The following STRADA variants were observed in gnomAD, a reference collection of about 807,000 sequenced individuals.
STRADA encodes the protein STE20-related kinase adapter protein alpha.
In STRADA, 26 loss-of-function variants were observed where a neutral mutation model predicts 55.0. The observed-to-expected ratio is 0.47, with a 90% CI of 0.35 to 0.66. STRADA has a LOEUF of 0.66. STRADA is among the 30% of genes least tolerant of loss of function. The pLI is 0.01. For synonymous variants in STRADA, 197 were observed against 210.9 expected (o/e 0.93, Z 0.57); for missense variants, 443 against 549.7 (o/e 0.81, Z 1.94).
At chr17:63,732,486 T>TAA (rs78463501) in intron 1 of STRADA, among the ~76,000 whole-genome samples, 4 of 139,280 alleles carry the variant, frequency 2.9e-5, no homozygotes, top group Non-Finnish European at 3.1e-5. Context: ...CCTGGCTAGT[T>TAA]AAAAAAAAAA....
At chr17:63,723,015 G>A (rs763771912) in intron 4 of STRADA, among the ~76,000 whole-genome samples, 1 of 151,970 alleles carries the variant, frequency 6.6e-6, no homozygotes, top group Non-Finnish European at 1.5e-5. Flanking sequence ...TACTTTTTTG[G>A]GGGAAGGGGT....
At chr17:63,740,045 G>C (rs1339581700) in intron 1 of STRADA, among the ~76,000 whole-genome samples, 2 of 140,136 alleles carry the variant, frequency 1.4e-5, no homozygotes, top group African/African-American at 5.4e-5. Flanking sequence ...TGGGATTACA[G>C]AGGTGGGCCA....
At chr17:63,734,506 T>C (rs1405841437) in intron 1 of STRADA, among the ~76,000 whole-genome samples, 2 of 152,026 alleles carry the variant, frequency 1.3e-5, no homozygotes, top group Non-Finnish European at 2.9e-5. Context: ...TAGCCGGGCA[T>C]GGTGGCACTG....
At chr17:63,739,953 G>C (rs1053071491) in intron 1 of STRADA, among the ~76,000 whole-genome samples, 1 of 147,634 alleles carries the variant, frequency 6.8e-6, no homozygotes, top group African/African-American at 2.5e-5. Flanking sequence ...CAGTGCACCA[G>C]GCACCCCGCC....
At position 63,718,210 on chromosome 17, in the gene STRADA, A is replaced by G. The variant is rs371619537; in HGVS notation, c.124-4102T>C. Among the ~76,000 whole-genome samples the G allele has an allele frequency of 5.6e-4, 86 of 152,302 alleles. No individual in the cohort carries two copies. The East Asian group carries it at 0.015, about 26-fold the overall frequency. On this transcript the variant is annotated intron_variant, in intron 4 of 12. Transcript: ENST00000336174. ...AGTACTGGGATTACAGGCTTGAGCC[A>G]CTGCACCCTGCTGACTCTAGCTTTT... is the stretch of plus-strand genomic sequence containing the variant.
chr17:63,730,955 C>CT (rs373139976), intron 1 of STRADA, among the ~76,000 whole-genome samples: 6 of 149,960 alleles, frequency 4.0e-5, no homozygotes, highest in East Asian at 2.0e-4. Flanking sequence ...CCCTGATATT[C>CT]TTTTTTTTTG....
chr17:63,740,153 C>CATACATATAT (rs1463725651), intron 1 of STRADA, among the ~76,000 whole-genome samples: 1 of 86,274 alleles, frequency 1.2e-5, no homozygotes, highest in Non-Finnish European at 2.3e-5. Context: ...TATATACACA[C>CATACATATAT]ACACACACAC....
Position 63,710,518 on chromosome 17 carries a change from T to C in STRADA, c.554A>G (p.Tyr185Cys). 1 of 1,613,874 alleles carries C rather than the reference T, an allele frequency of 6.2e-7. No individual in the cohort carries two copies. The highest frequency in any genetic ancestry group is 8.5e-7 in the Non-Finnish European group (1 of 1,179,866). Residue 185 changes from tyrosine (Y) to cysteine (C), a missense_variant, in exon 8 of 13, where the codon TAC becomes TGC. Coordinates refer to ENST00000336174, the MANE Select transcript of STRADA (RefSeq NM_001003787.4). ...ILQGVLKALD[Y>C]IHHMGYVHRS... ...GTGTACATATCCCATGTGGTGGATG[T>C]AGTCGAGGGCCTTCAGCACCCCCTG...
rs760938427 is a variant in STRADA at position 63,706,668 on chromosome 17, G to A, written c.825C>T (p.Gly275=). 4 of 1,613,906 alleles carry A rather than the reference G, an allele frequency of 2.5e-6. No individual in the cohort carries two copies. Among genetic ancestry groups the A allele is most frequent in the Non-Finnish European group, 3.4e-6 (4 of 1,179,910 alleles). Reference sequence around the variant, plus strand: ...CAGGCATATCCTTAAAGGGGACATGGCCGTTGGCCAGTTCACAGGCTGTGA... The same window carrying A: ...CAGGCATATCCTTAAAGGGGACATGACCGTTGGCCAGTTCACAGGCTGTGA... The part of the protein sequence containing the change: ...VGITACELAN[G]HVPFKDMPAT... Residue 275 remains glycine, a synonymous_variant, in exon 10 of 13, where the codon GGC becomes GGT. Coordinates refer to ENST00000336174, the MANE Select transcript of STRADA (RefSeq NM_001003787.4).
At chr17:63,708,260 C>T (rs1221421055) in intron 8 of STRADA, among the ~76,000 whole-genome samples, 7 of 152,078 alleles carry the variant, frequency 4.6e-5, no homozygotes, top group African/African-American at 1.2e-4. Flanking sequence ...AGTGCAGTGG[C>T]GCAATCTCAG....
chr17:63,710,697 C>G (rs1343813998), intron 7 of STRADA, 31 bp downstream of exon 7: 2 of 1,614,008 alleles, frequency 1.2e-6, no homozygotes, highest in South Asian at 2.2e-5. Context: ...TCCCAATAAC[C>G]CCTTTCTACC....
rs2037427661 is a variant in STRADA, at chr17:63,723,224, C to G, written c.123+74G>C. The G allele has an allele frequency of 3.9e-6, 6 of 1,522,896 alleles. No homozygotes were observed. In the East Asian group the frequency reaches 1.4e-4, roughly 34 times the overall value. The allele number at this position is 1,522,896 out of a possible 1,614,324, so 94.3% of individuals were successfully genotyped here. The stretch of plus-strand genomic sequence containing the variant: ...GCAGAAACATAAAATGATAAGCCAA[C>G]AAAACACACAAACTTCCACAAGAAG... On this transcript the variant is annotated intron_variant, in intron 4 of 12. Coordinates refer to ENST00000336174, the MANE Select transcript of STRADA (RefSeq NM_001003787.4).
chr17:63,729,103 G>A (rs1267057136), intron 1 of STRADA, among the ~76,000 whole-genome samples: 4 of 152,024 alleles, frequency 2.6e-5, no homozygotes, highest in Non-Finnish European at 5.9e-5. Context: ...AGGCTGGTCT[G>A]GAACTCCTGG....
chr17:63,730,580 C>T (rs755682500), intron 1 of STRADA, among the ~76,000 whole-genome samples: 3 of 151,460 alleles, frequency 2.0e-5, no homozygotes, highest in Non-Finnish European at 4.4e-5. Context: ...TTTGTAGAGA[C>T]GGGCTTTGCA....
Position 63,723,308 on chromosome 17 carries a change from G to C in STRADA, c.113C>G (p.Thr38Ser), listed in dbSNP as rs1439355280. The C allele has an allele frequency of 6.2e-7, 1 of 1,614,084 alleles. No individual in the cohort carries two copies. The highest frequency in any genetic ancestry group is 2.2e-5 in the East Asian group (1 of 44,904). ...ELFGEQPPGD[T>S]RRKTNDASSE... Reference sequence around the variant, plus strand: ...TAGGAAGCCACTTACTTTTCTCCGAGTGTCACCCGGAGGCTGCTCTGGGGT... The same window carrying C: ...TAGGAAGCCACTTACTTTTCTCCGACTGTCACCCGGAGGCTGCTCTGGGGT... Residue 38 changes from threonine to serine, a missense_variant, in exon 4 of 13, where the codon ACT becomes AGT. Coordinates refer to ENST00000336174, the MANE Select transcript of STRADA (RefSeq NM_001003787.4).
chr17:63,708,375 T>C (rs2036260846), intron 8 of STRADA, among the ~76,000 whole-genome samples: 1 of 151,828 alleles, frequency 6.6e-6, no homozygotes, highest in African/African-American at 2.4e-5. Flanking sequence ...AGTTTTTGTA[T>C]TTTTAGTAGA....
Position 63,707,384 on chromosome 17 carries a change from C to A in STRADA, c.616G>T (p.Asp206Tyr). 6.2e-7 allele frequency: 1 copy of A among 1,614,164 alleles called. No homozygotes were observed. The highest frequency in any genetic ancestry group is 1.3e-5 in the African/African-American group (1 of 75,038). Residue 206 changes from aspartate to tyrosine, a missense_variant, in exon 9 of 13, where the codon GAT (aspartate) becomes TAT (tyrosine). Transcript: ENST00000336174. ...VKASHILISVDGKVYLSGLRS... is the reference protein window; with the variant it reads ...VKASHILISVYGKVYLSGLRS... ...AAACCAGACAGGTAGACCTTCCCAT[C>A]CACAGAGATCAGGATGTGGCTGGCT...
intron 4 of STRADA, 79 bp downstream of exon 4, chr17:63,723,219 G>A: frequency 2.7e-6 from 4 of 1,468,364 alleles, no homozygotes; most frequent in Non-Finnish European, 3.8e-6. Context: ...AAAATGATAA[G>A]CCAACAAAAC....
rs1344970625 is a variant in STRADA, at chr17:63,726,629, T to G, written c.94+9A>C. On this transcript the variant is annotated intron_variant, in intron 3 of 12. Transcript: ENST00000336174. ...CTGAAGTGATGGCTAAATGCCATACTGTACTTACCTCCAAATAGTTCCAAA... is the reference window on the plus strand; with the variant it reads ...CTGAAGTGATGGCTAAATGCCATACGGTACTTACCTCCAAATAGTTCCAAA... 1.9e-6 allele frequency: 3 copies of G among 1,613,706 alleles called. No homozygotes were observed. The highest frequency in any genetic ancestry group is 2.5e-6 in the Non-Finnish European group (3 of 1,179,798).
Sources: allele counts gnomAD v4.1 joint callset (sites outside exome capture counted in the v4.1 genomes callset), GRCh38; gene constraint gnomAD v4.1.1; transcripts MANE v1.5; gene names NCBI Gene and HGNC (gene_info 2026-07-23, HGNC 2026-07-21).